The following CELF1 variants were observed in gnomAD, a reference collection of about 807,000 sequenced individuals.
CELF1 encodes CUGBP Elav-like family member 1, also known as 50 kDa nuclear polyadenylated RNA-binding protein.
Under a neutral mutation model 61.8 loss-of-function variants are expected in CELF1, and 10 were observed. The ratio of observed to expected loss-of-function variants is 0.16; its 90% confidence interval spans 0.10 to 0.27. The LOEUF is 0.27. CELF1 is among the 10% of genes least tolerant of loss of function. The pLI is 1.00. For synonymous variants in CELF1, 236 were observed against 225.1 expected, an observed-to-expected ratio of 1.05 and a Z score of -0.43; for missense variants, 380 against 639.1, an observed-to-expected ratio of 0.59 and a Z score of 4.37.
At position 47,484,328 on chromosome 11, in the gene CELF1, A is replaced by C. The variant is rs898953591; in HGVS notation, c.526+61T>G. The C allele has an allele frequency of 5.1e-6, 8 of 1,567,062 alleles. No individual in the cohort carries two copies. The African/African-American group carries it at 1.1e-4, about 22-fold the overall frequency. On this transcript the variant is annotated intron_variant, in intron 7 of 14. Transcript: ENST00000687097. Reference sequence around the variant, plus strand: ...CAAGACCTTGTCTCCAAAAAAAAAAAAACCCCAAACCAAACCAAAACAAAA... The same window carrying C: ...CAAGACCTTGTCTCCAAAAAAAAAACAACCCCAAACCAAACCAAAACAAAA...
chr11:47,482,388 C>G (rs1026516757), intron 9 of CELF1: 5 of 212,342 alleles, frequency 2.4e-5, no homozygotes, highest in African/African-American at 1.2e-4. Context: ...AAGATTCCCT[C>G]AGGAATTTCT....
intron 13 of CELF1, among the ~76,000 whole-genome samples, chr11:47,473,897 TTTTC>T (rs1253900082): frequency 6.6e-6 from 1 of 151,830 alleles, no homozygotes; most frequent in Non-Finnish European, 1.5e-5. Flanking sequence ...CACTCAATGA[TTTTC>T]TTTTTTTTTC....
intron 12 of CELF1, 94 bp from the exon 13 acceptor site, chr11:47,475,615 C>A: frequency 1.6e-6 from 2 of 1,225,000 alleles, no homozygotes; most frequent in Non-Finnish European, 2.3e-6. Flanking sequence ...GGGAAAACTC[C>A]AAAGTTCTCC....
intron 1 of CELF1, among the ~76,000 whole-genome samples, chr11:47,546,454 C>T (rs1404932985): frequency 2.0e-5 from 3 of 151,946 alleles, no homozygotes; most frequent in Admixed American, 6.6e-5. Flanking sequence ...TTGGCAGAGA[C>T]GGGGTTTCTC....
At chr11:47,521,079 A>G (rs112947497) in intron 1 of CELF1, among the ~76,000 whole-genome samples, 2,414 of 151,976 alleles carry the variant, frequency 0.016, 49 homozygotes, top group African/African-American at 0.048. Flanking sequence ...GTGAAACCCC[A>G]TCTCTACTAA....
At chr11:47,478,291 T>G (rs2081176089) in intron 10 of CELF1, among the ~76,000 whole-genome samples, 1 of 152,220 alleles carries the variant, frequency 6.6e-6, no homozygotes, top group Admixed American at 6.5e-5. Flanking sequence ...GCAGAGGGTG[T>G]AGGCACAGGC....
At chr11:47,549,222 CAAAT>C (rs1427139969) in intron 1 of CELF1, among the ~76,000 whole-genome samples, 2 of 152,090 alleles carry the variant, frequency 1.3e-5, no homozygotes, top group Non-Finnish European at 2.9e-5. Context: ...AACAAACAAA[CAAAT>C]AAAAAAACAC....
At chr11:47,512,184 G>A (rs950329638) in intron 1 of CELF1, among the ~76,000 whole-genome samples, 1 of 150,514 alleles carries the variant, frequency 6.6e-6, no homozygotes, top group Non-Finnish European at 1.5e-5. Context: ...ATGGAGTCCC[G>A]CTCTGTTTCC....
rs1272294163 is a variant in CELF1, at chr11:47,553,053, C to T, written c.-215G>A. 3.7e-5 allele frequency: 15 copies of T among 401,054 alleles called. No homozygotes were observed. The East Asian group carries it at 4.3e-4, about 11-fold the overall frequency. 24.8% of individuals were successfully genotyped at this position (401,054 alleles called of 1,614,324 possible). ...CTGCCTGCGCCTCCGCAGCCGCCGC[C>T]GCCGCCTCGCTGCTGAGGCCGAATC... On this transcript the variant is annotated 5_prime_UTR_variant, in exon 1 of 15. Transcript: ENST00000687097.
At chr11:47,480,772 C>T (rs2082554802) in intron 9 of CELF1, among the ~76,000 whole-genome samples, 1 of 152,162 alleles carries the variant, frequency 6.6e-6, no homozygotes, top group Non-Finnish European at 1.5e-5. Context: ...CAGTGGTTCA[C>T]GCCTGTAATC....
At chr11:47,477,095 C>T in intron 11 of CELF1, 136 bp from the exon 12 acceptor site, 1 of 891,984 alleles carries the variant, frequency 1.1e-6, no homozygotes, top group Non-Finnish European at 1.8e-6. Context: ...CCTTGCAGGA[C>T]AGAGACAAAT....
rs58856403 is a variant in CELF1 at position 47,533,809 on chromosome 11, C to CAAAAAAAAAAAAA, written c.-154+19170_-154+19182dup. Reference sequence around the variant, plus strand: ...TGGGCAATAGAGCGAGACTCTCCCCCAAAAAAAAAAAAAAAAAAAAAAGGA... The same window carrying CAAAAAAAAAAAAA: ...TGGGCAATAGAGCGAGACTCTCCCCCAAAAAAAAAAAAAAAAAAAAAAAAAAAAAAAAAAAGGA... On this transcript the variant is annotated intron_variant, in intron 1 of 14. Transcript: ENST00000687097. Among the ~76,000 whole-genome samples the CAAAAAAAAAAAAA allele has an allele frequency of 2.3e-5, 2 of 85,336 alleles. 1 individual carries two copies. The highest frequency in any genetic ancestry group is 4.3e-5 in the Non-Finnish European group (2 of 46,602). The allele number at this position is 85,336 out of a possible 152,430, so 56.0% of individuals were successfully genotyped here.
rs1296278104 is a variant in CELF1, at chr11:47,504,472, T to C, written c.-153-3540A>G. ...GCCCACCTGTAGTCCCAGCTACTTGTGAGGCTGAAGTGGGAGGATCACCTG... is the reference window on the plus strand; with the variant it reads ...GCCCACCTGTAGTCCCAGCTACTTGCGAGGCTGAAGTGGGAGGATCACCTG... On this transcript the variant is annotated intron_variant, in intron 1 of 14. Transcript: ENST00000687097. Among the ~76,000 whole-genome samples the C allele has an allele frequency of 8.6e-5, 13 of 151,602 alleles. No individual in the cohort carries two copies. The East Asian group carries it at 1.2e-3, about 14-fold the overall frequency.
chr11:47,541,830 GAAAGAAAA>G (rs2096811456), intron 1 of CELF1, among the ~76,000 whole-genome samples: 2 of 147,700 alleles, frequency 1.4e-5, no homozygotes, highest in African/African-American at 2.5e-5. Context: ...AAGAAAGAAA[GAAAGAAAA>G]TGGAAACTAC....
intron 1 of CELF1, among the ~76,000 whole-genome samples, chr11:47,510,332 T>G (rs4752843): frequency 0.2 from 31,154 of 152,056 alleles, 3,708 homozygotes; most frequent in East Asian, 0.3. Flanking sequence ...GACAAAATAT[T>G]GTCTTTCCCA....
At chr11:47,558,256 G>A (rs1242223761) in intron 2 of CELF1, among the ~76,000 whole-genome samples, 2 of 151,674 alleles carry the variant, frequency 1.3e-5, no homozygotes, top group Non-Finnish European at 2.9e-5. Flanking sequence ...CAAGTTGTCT[G>A]TCCTGCTTTT....
intron 13 of CELF1, among the ~76,000 whole-genome samples, chr11:47,474,350 T>C (rs1241272333): frequency 6.6e-6 from 1 of 152,192 alleles, no homozygotes; most frequent in Non-Finnish European, 1.5e-5. Flanking sequence ...GTTACTCTTC[T>C]TTCTCTAGAT....
At chr11:47,551,438 G>C (rs1252450564) in intron 1 of CELF1, among the ~76,000 whole-genome samples, 6 of 152,204 alleles carry the variant, frequency 3.9e-5, no homozygotes, top group Admixed American at 3.9e-4. Context: ...TACTAGGTAA[G>C]TAAAGCCTGA....
At chr11:47,545,169 C>G (rs1361306334) in intron 1 of CELF1, among the ~76,000 whole-genome samples, 1 of 151,906 alleles carries the variant, frequency 6.6e-6, no homozygotes, top group Non-Finnish European at 1.5e-5. Flanking sequence ...GTGGTTCATG[C>G]CTGTAATCCC....
Sources: gnomAD v4.1 joint callset for allele counts (sites outside exome capture counted in the v4.1 genomes callset) on GRCh38, gnomAD v4.1.1 for gene constraint, MANE v1.5 for transcripts, NCBI Gene and HGNC (gene_info 2026-07-23, HGNC 2026-07-21) for gene names.